Variants in SCN9A observed in about 807,000 individuals in gnomAD.
The protein encoded by SCN9A is sodium voltage-gated channel alpha subunit 9.
Under a neutral mutation model 187.0 loss-of-function variants are expected in SCN9A, and 131 were observed. The ratio of observed to expected loss-of-function variants is 0.70; its 90% CI spans 0.61 to 0.81. The LOEUF is 0.81. SCN9A is among the 30% of genes least tolerant of loss of function. The pLI is 0.00. For synonymous variants in SCN9A, 809 were observed against 808.6 expected, an observed-to-expected ratio of 1.00 and a Z score of -0.01; for missense variants, 2,252 against 2,396.6, an observed-to-expected ratio of 0.94 and a Z score of 1.26.
intron 17 of SCN9A, among the ~76,000 whole-genome samples, chr2:166,264,584 G>T (rs1228761675): frequency 6.6e-6 from 1 of 151,920 alleles, no homozygotes. Flanking sequence ...TTTCTGATAA[G>T]AGGTTTTACT....
rs1437767787 is a variant in SCN9A at position 166,196,960 on chromosome 2, C to G, written c.*1712G>C. 1 of 151,992 alleles carries G rather than the reference C, an allele frequency of 6.6e-6. No homozygotes were observed. 9.4% of individuals were successfully genotyped at this position (151,992 alleles called of 1,614,324 possible). ...TAGACTTCTGATCTCATTCTTTAAC[C>G]ATAAATCTTTGTTTCTATAGGTACG... On this transcript the variant is annotated 3_prime_UTR_variant, in exon 27 of 27. Coordinates refer to ENST00000642356, the MANE Select transcript of SCN9A (RefSeq NM_001365536.1).
At chr2:166,272,896 G>C (rs766457868) in intron 16 of SCN9A, 21 bp from the exon 17 acceptor site, 11 of 1,179,104 alleles carry the variant, frequency 9.3e-6, no homozygotes, top group African/African-American at 1.6e-5. Flanking sequence ...GTGGGGAGAG[G>C]GGGTAGAGAA....
intron 1 of SCN9A, among the ~76,000 whole-genome samples, chr2:166,359,079 G>T (rs144500679): frequency 1.3e-5 from 2 of 151,814 alleles, no homozygotes; most frequent in African/African-American, 2.4e-5. Context: ...TCTATTTCTG[G>T]ATATCGTATT....
At chr2:166,222,803 C>A (rs1443973106) in intron 24 of SCN9A, among the ~76,000 whole-genome samples, 1 of 142,074 alleles carries the variant, frequency 7.0e-6, no homozygotes, top group Admixed American at 6.9e-5. Flanking sequence ...TGGTGGCGCA[C>A]GCCTGTAGTC....
intron 6 of SCN9A, 69 bp downstream of exon 6, chr2:166,304,169 G>A (rs770755089): frequency 9.3e-6 from 15 of 1,609,604 alleles, no homozygotes; most frequent in South Asian, 3.3e-5. Context: ...ACACACAAAC[G>A]AACAAAGAAC....
intron 1 of SCN9A, among the ~76,000 whole-genome samples, chr2:166,327,891 C>T (rs1196445391): frequency 6.6e-6 from 1 of 152,212 alleles, no homozygotes; most frequent in African/African-American, 2.4e-5. Context: ...CTTCACATCT[C>T]ATTGATACTA....
intron 1 of SCN9A, among the ~76,000 whole-genome samples, chr2:166,359,658 T>G (rs1700231061): frequency 6.6e-6 from 1 of 152,020 alleles, no homozygotes; most frequent in Non-Finnish European, 1.5e-5. Context: ...TAGTTCAATA[T>G]TTCATGTCCT....
intron 1 of SCN9A, among the ~76,000 whole-genome samples, chr2:166,369,775 ACTGT>A (rs1446414307): frequency 2.6e-5 from 4 of 152,206 alleles, no homozygotes; most frequent in African/African-American, 9.6e-5. Context: ...TAAAAGATAC[ACTGT>A]CTATTAGACT....
chr2:166,278,306 G>T lies in SCN9A; in HGVS notation c.2351C>A (p.Thr784Asn). The change falls in exon 15 of 27, where the codon ACT becomes AAT. Residue 784 changes from threonine to asparagine, a missense_variant. By Grantham distance (65) the Thr-to-Asn change is moderately conservative (BLOSUM62 0). This residue lies in a region of SCN9A where 1,013 missense variants were observed against 997.4 expected (regional missense o/e 1.02). Transcript: ENST00000642356. ...NVLAIGNLVF[T>N]GIFAAEMVLK... ...TACCATTTCAGCTGCAAAGATTCCA[G>T]TAAAGACCTAAGTGAGAAAAATAAT... 6.3e-7 allele frequency: 1 copy of T among 1,598,014 alleles called. No homozygotes were observed.
Position 166,281,565 on chromosome 2 carries a change from C to A in SCN9A, c.2104+114G>T, listed in dbSNP as rs577273796. On this transcript the variant is annotated intron_variant, in intron 13 of 26. Transcript: ENST00000642356. ...TGGTTATCTTTACCATCATTTAAAA[C>A]CATTTTATGGTCTCTGAATTCTTCC... 8 of 927,450 alleles carry A rather than the reference C, an allele frequency of 8.6e-6. No homozygotes were observed. The South Asian group carries it at 1.4e-4, about 16-fold the overall frequency. 57.5% of individuals were successfully genotyped at this position (927,450 alleles called of 1,614,324 possible). A position where few individuals can be genotyped will look rare whatever the true frequency, so the allele number is the denominator to read the frequency against.
Position 166,247,439 on chromosome 2 carries a change from G to A in SCN9A, c.3472+4326C>T, listed in dbSNP as rs188301243. On this transcript the variant is annotated intron_variant, in intron 18 of 26. Coordinates refer to ENST00000642356, the MANE Select transcript of SCN9A (RefSeq NM_001365536.1). ...TTAATTATTAGTTATTTTATAGGAA[G>A]GGGGTGAATACAAAACATTTTGAAA... 1.9e-3 allele frequency among the ~76,000 whole-genome samples: 290 copies of A among 152,180 alleles called. 6 individuals are homozygous for A. The highest frequency in any genetic ancestry group is 0.019 in the Admixed American group (284 of 15,262).
In SCN9A at chr2:166,197,410, G is replaced by A. The variant is rs1231098515; in HGVS notation, c.*1262C>T. 6.6e-6 allele frequency: 1 copy of A among 152,094 alleles called. No homozygotes were observed. Among genetic ancestry groups the A allele is most frequent in the Non-Finnish European group, 1.5e-5 (1 of 67,970 alleles). 9.4% of individuals were successfully genotyped at this position (152,094 alleles called of 1,614,324 possible). On this transcript the variant is annotated 3_prime_UTR_variant, in exon 27 of 27. Coordinates refer to ENST00000642356, the MANE Select transcript of SCN9A (RefSeq NM_001365536.1). ...CATCATAGAATTTTAAGGAGAAGGT[G>A]ACATCTTCCTCATTGTATACATTGA...
intron 11 of SCN9A, among the ~76,000 whole-genome samples, chr2:166,285,107 T>C (rs1412760580): frequency 6.6e-6 from 1 of 152,208 alleles, no homozygotes; most frequent in Non-Finnish European, 1.5e-5. Flanking sequence ...TTTAATGCCA[T>C]TCATTTTGCT....
intron 17 of SCN9A, among the ~76,000 whole-genome samples, chr2:166,266,267 C>T (rs1320587036): frequency 6.6e-6 from 1 of 151,838 alleles, no homozygotes; most frequent in African/African-American, 2.4e-5. Flanking sequence ...GGTCTAATTT[C>T]ATTCTTTTGC....
At chr2:166,328,001 T>C (rs1699406275) in intron 1 of SCN9A, among the ~76,000 whole-genome samples, 1 of 152,342 alleles carries the variant, frequency 6.6e-6, no homozygotes. Flanking sequence ...AGTAGAATTT[T>C]ATGTACCTGG....
Position 166,293,370 on chromosome 2 carries a change from T to A in SCN9A, c.968A>T (p.Gln323Leu). The change falls in exon 9 of 27, where the codon CAG becomes CTG. Residue 323 changes from glutamine (Q) to leucine (L), a missense_variant and splice_region_variant. Around this residue, in one of 7 missense-constraint regions of SCN9A, gnomAD observed 1,013 missense variants for 997.4 expected, o/e 1.02. Coordinates refer to ENST00000642356, the MANE Select transcript of SCN9A (RefSeq NM_001365536.1). ...CACACAGGTGTACCCCTCTGGACAC[T>A]GACTACACACGAGAAAGAACATTAT... ...LLCGFSTDSG[Q>L]CPEGYTCVKI... The A allele has an allele frequency of 6.2e-7, 1 of 1,604,708 alleles. No individual in the cohort carries two copies. The highest frequency in any genetic ancestry group is 1.3e-5 in the African/African-American group (1 of 74,852).
At chr2:166,358,190 C>G (rs1700197544) in intron 1 of SCN9A, among the ~76,000 whole-genome samples, 1 of 151,914 alleles carries the variant, frequency 6.6e-6, no homozygotes, top group Non-Finnish European at 1.5e-5. Context: ...CTGCCTCAGC[C>G]TCCTGAGTAG....
At chr2:166,322,167 TTTTA>T (rs199746311) in intron 1 of SCN9A, among the ~76,000 whole-genome samples, 2,095 of 152,278 alleles carry the variant, frequency 0.014, 19 homozygotes, top group Non-Finnish European at 0.02. Context: ...GAAAACACTT[TTTTA>T]AAAAAAATTT....
At chr2:166,263,872 A>G (rs185822545) in intron 17 of SCN9A, among the ~76,000 whole-genome samples, 88 of 152,098 alleles carry the variant, frequency 5.8e-4, no homozygotes, top group African/African-American at 1.9e-3. Flanking sequence ...ACAACCTCCA[A>G]AGTTAGAAAG....
Sources: allele counts gnomAD v4.1 joint callset (sites outside exome capture counted in the v4.1 genomes callset), GRCh38; gene constraint gnomAD v4.1.1; regional missense constraint gnomAD v4.1.1; transcripts MANE v1.5; gene names NCBI Gene and HGNC (gene_info 2026-07-23, HGNC 2026-07-21).